FARS2: variants seen among roughly 807,000 people sequenced by gnomAD.
FARS2 encodes the protein phenylalanine--tRNA ligase, mitochondrial.
Under a neutral mutation model 46.4 loss-of-function variants are expected in FARS2, and 40 were observed. The ratio of observed to expected loss-of-function variants is 0.86; its 90% CI spans 0.67 to 1.12. FARS2 has a LOEUF of 1.12. Among genes scored for constraint, FARS2 ranks in the 50% most tolerant of loss-of-function variants. The probability of loss-of-function intolerance (pLI) is 0.00; values close to 1 mark genes in which losing one functional copy is unlikely to be tolerated. For missense variants in FARS2, 513 were observed against 567.9 expected, an observed-to-expected ratio of 0.90 and a Z score of 0.98; for synonymous variants, 234 against 214.9, an observed-to-expected ratio of 1.09 and a Z score of -0.78.
chr6:5,738,007 G>A (rs1397809941), intron 6 of FARS2, among the ~76,000 whole-genome samples: 1 of 152,222 alleles, frequency 6.6e-6, no homozygotes, highest in Non-Finnish European at 1.5e-5. Flanking sequence ...CTGGAGTGCA[G>A]TGGTGCAATC....
chr6:5,533,372 G>T (rs914818732), intron 4 of FARS2, among the ~76,000 whole-genome samples: 15 of 152,186 alleles, frequency 9.9e-5, no homozygotes, highest in African/African-American at 3.6e-4. Flanking sequence ...GTCATCACTT[G>T]TATTGAAAAC....
chr6:5,485,399 G>A (rs1463606460), intron 4 of FARS2, among the ~76,000 whole-genome samples: 1 of 152,044 alleles, frequency 6.6e-6, no homozygotes, highest in African/African-American at 2.4e-5. Flanking sequence ...TCTTAGGCTT[G>A]CTTGATCCCT....
At chr6:5,686,364 C>T (rs559626949) in intron 6 of FARS2, among the ~76,000 whole-genome samples, 43 of 151,150 alleles carry the variant, frequency 2.8e-4, no homozygotes, top group Admixed American at 5.9e-4. Flanking sequence ...GCCCACACCA[C>T]GCAACAGGCC....
At chr6:5,687,924 T>C (rs1757372582) in intron 6 of FARS2, among the ~76,000 whole-genome samples, 1 of 152,228 alleles carries the variant, frequency 6.6e-6, no homozygotes, top group Non-Finnish European at 1.5e-5. Context: ...ACGTCCCTTG[T>C]AAGTTGGATT....
At chr6:5,677,525 C>T (rs1778826888) in intron 6 of FARS2, among the ~76,000 whole-genome samples, 2 of 152,334 alleles carry the variant, frequency 1.3e-5, no homozygotes, top group South Asian at 4.1e-4. Context: ...ACAATCAGAA[C>T]CAAGACACCT....
chr6:5,656,195 G>A (rs577966016), intron 6 of FARS2, among the ~76,000 whole-genome samples: 1 of 152,300 alleles, frequency 6.6e-6, no homozygotes, highest in South Asian at 2.1e-4. Flanking sequence ...TTGTTGTTGT[G>A]GATTCTTGCC....
chr6:5,283,895 C>T (rs1264154341), intron 1 of FARS2, among the ~76,000 whole-genome samples: 1 of 152,204 alleles, frequency 6.6e-6, no homozygotes, highest in Non-Finnish European at 1.5e-5. Context: ...TATCCTCATT[C>T]AGGCATCATT....
At chr6:5,500,353 C>T (rs1297718967) in intron 4 of FARS2, among the ~76,000 whole-genome samples, 1 of 152,170 alleles carries the variant, frequency 6.6e-6, no homozygotes, top group Non-Finnish European at 1.5e-5. Flanking sequence ...AGCTTTTCTC[C>T]CAGGCTGCAA....
intron 6 of FARS2, among the ~76,000 whole-genome samples, chr6:5,677,972 T>A (rs1229626175): frequency 6.6e-6 from 1 of 152,076 alleles, no homozygotes; most frequent in Non-Finnish European, 1.5e-5. Context: ...CTTTGAAAAT[T>A]GCAAGAAATG....
At chr6:5,602,670 A>AAAAG (rs1554114901) in intron 5 of FARS2, among the ~76,000 whole-genome samples, 10 of 137,688 alleles carry the variant, frequency 7.3e-5, no homozygotes, top group Non-Finnish European at 1.2e-4. Flanking sequence ...AAAAAAAAAA[A>AAAAG]GGGAACCTCC....
chr6:5,671,687 G>A (rs1445887021), intron 6 of FARS2, among the ~76,000 whole-genome samples: 2 of 152,204 alleles, frequency 1.3e-5, no homozygotes, highest in Non-Finnish European at 1.5e-5. Context: ...GTTTACAGAG[G>A]ATGGTTTAAC....
intron 4 of FARS2, among the ~76,000 whole-genome samples, chr6:5,463,037 G>C (rs1765330381): frequency 6.6e-6 from 1 of 152,170 alleles, no homozygotes; most frequent in Admixed American, 6.5e-5. Flanking sequence ...GGCTATTGTG[G>C]TGAGAAAGTA....
chr6:5,322,135 A>G (rs1561956582), intron 1 of FARS2, among the ~76,000 whole-genome samples: 1 of 152,238 alleles, frequency 6.6e-6, no homozygotes, highest in African/African-American at 2.4e-5. Flanking sequence ...TGAGGCAGGC[A>G]AGCTTTCATC....
chr6:5,467,557 C>T (rs1403307005), intron 4 of FARS2, among the ~76,000 whole-genome samples: 1 of 152,192 alleles, frequency 6.6e-6, no homozygotes, highest in Non-Finnish European at 1.5e-5. Context: ...GTGTCAACTC[C>T]TCAGAATGTG....
chr6:5,770,567 G>C (rs1407103525), intron 6 of FARS2, among the ~76,000 whole-genome samples: 1 of 152,158 alleles, frequency 6.6e-6, no homozygotes, highest in East Asian at 1.9e-4. Flanking sequence ...ACAGGGCCAG[G>C]CCTGCCAGTT....
At chr6:5,341,202 T>TAGATAG (rs1315022164) in intron 1 of FARS2, among the ~76,000 whole-genome samples, 2 of 5,510 alleles carry the variant, frequency 3.6e-4, no homozygotes, top group Non-Finnish European at 1.0e-3. Context: ...TATATATATA[T>TAGATAG]ATATATATAT....
chr6:5,652,798 A>G (rs1156990692), intron 6 of FARS2, among the ~76,000 whole-genome samples: 1 of 152,230 alleles, frequency 6.6e-6, no homozygotes, highest in East Asian at 1.9e-4. Flanking sequence ...GGACAGTGAC[A>G]GTGTCTGACT....
rs181317443 is a variant in FARS2, at chr6:5,481,755, G to T, written c.904+50583G>T. 9.1e-4 allele frequency among the ~76,000 whole-genome samples: 138 copies of T among 152,114 alleles called. 1 individual carries two copies. In the Middle Eastern group the frequency reaches 0.031, roughly 34 times the overall value. On this transcript the variant is annotated intron_variant, in intron 4 of 6. Transcript: ENST00000274680. ...CTTTCCCTGGGAATTTGGGGTGTCA[G>T]CATGCATTCTGACAGGGATACTTAG...
intron 5 of FARS2, among the ~76,000 whole-genome samples, chr6:5,591,367 T>G (rs1023131226): frequency 4.6e-5 from 7 of 152,182 alleles, no homozygotes; most frequent in African/African-American, 1.7e-4. Context: ...TGAGAAGAAA[T>G]CTTACGTCCC....
Sources: allele counts gnomAD v4.1 joint callset (sites outside exome capture counted in the v4.1 genomes callset), GRCh38; gene constraint gnomAD v4.1.1; transcripts MANE v1.5; gene names NCBI Gene and HGNC (gene_info 2026-07-23, HGNC 2026-07-21).